Variants in ANKIB1 observed in about 807,000 individuals in gnomAD.
ANKIB1 encodes ankyrin repeat and IBR domain-containing protein 1.
ANKIB1 carries 43 observed loss-of-function variants against 122.1 expected under a neutral mutation model. That is an observed-to-expected ratio of 0.35 (90% CI 0.28 to 0.45). The LOEUF (loss-of-function observed/expected upper bound fraction) is 0.45. Ranked by LOEUF, ANKIB1 falls within the 20% of genes least tolerant of loss-of-function variation. The pLI, the probability that ANKIB1 is intolerant of heterozygous loss-of-function variation, is 1.00. For synonymous variants in ANKIB1, 390 were observed against 442.0 expected (o/e 0.88, Z 1.48); for missense variants, 992 against 1,329.5 (o/e 0.75, Z 3.95).
At chr7:92,257,213 AAAG>A (rs1801466882) in intron 1 of ANKIB1, among the ~76,000 whole-genome samples, 1 of 151,960 alleles carries the variant, frequency 6.6e-6, no homozygotes. Context: ...AGAGAGAAAA[AAAG>A]AAAAAAAAGA....
intron 9 of ANKIB1, among the ~76,000 whole-genome samples, chr7:92,357,097 C>G (rs1803830752): frequency 6.6e-6 from 1 of 152,214 alleles, no homozygotes; most frequent in African/African-American, 2.4e-5. Flanking sequence ...TTCCAGAGCC[C>G]TTTAGAACCA....
intron 11 of ANKIB1, among the ~76,000 whole-genome samples, chr7:92,382,275 C>A (rs1804533785): frequency 6.6e-6 from 1 of 152,126 alleles, no homozygotes; most frequent in Non-Finnish European, 1.5e-5. Context: ...CTTAGCCTCC[C>A]ACACAATAAT....
intron 1 of ANKIB1, among the ~76,000 whole-genome samples, chr7:92,285,123 A>G (rs1802092676): frequency 6.6e-6 from 1 of 152,124 alleles, no homozygotes; most frequent in Non-Finnish European, 1.5e-5. Context: ...GCTGGAGTGC[A>G]GTGGCACTAT....
chr7:92,269,250 C>G (rs1375243686), intron 1 of ANKIB1, among the ~76,000 whole-genome samples: 1 of 152,140 alleles, frequency 6.6e-6, no homozygotes, highest in Non-Finnish European at 1.5e-5. Flanking sequence ...TGATTCTAAA[C>G]CAGTTTTCTT....
intron 1 of ANKIB1, among the ~76,000 whole-genome samples, chr7:92,257,829 A>G (rs932704510): frequency 6.6e-6 from 1 of 152,226 alleles, no homozygotes; most frequent in Non-Finnish European, 1.5e-5. Flanking sequence ...AGATTATTCT[A>G]TCTTTCAACC....
chr7:92,254,965 T>C (rs1257049897), intron 1 of ANKIB1, among the ~76,000 whole-genome samples: 1 of 152,132 alleles, frequency 6.6e-6, no homozygotes, highest in African/African-American at 2.4e-5. Context: ...TGATAGTGAG[T>C]AAGTCACACA....
At chr7:92,328,693 A>G (rs1441999810) in intron 5 of ANKIB1, among the ~76,000 whole-genome samples, 2 of 152,032 alleles carry the variant, frequency 1.3e-5, no homozygotes, top group African/African-American at 2.4e-5. Flanking sequence ...AAAGAAAAGT[A>G]AATGGCTATT....
chr7:92,385,102 A>G (rs768935208), intron 11 of ANKIB1, among the ~76,000 whole-genome samples: 21 of 152,242 alleles, frequency 1.4e-4, no homozygotes, highest in Non-Finnish European at 2.2e-4. Context: ...AAAAGGAGAC[A>G]TTTATGCAGC....
intron 2 of ANKIB1, among the ~76,000 whole-genome samples, chr7:92,298,985 C>T (rs967545408): frequency 5.3e-5 from 8 of 152,134 alleles, no homozygotes; most frequent in East Asian, 1.9e-4. Context: ...AGTTGAACTG[C>T]GTACTTTTTT....
intron 5 of ANKIB1, among the ~76,000 whole-genome samples, chr7:92,331,635 C>T (rs1166576797): frequency 6.6e-6 from 1 of 152,066 alleles, no homozygotes; most frequent in African/African-American, 2.4e-5. Context: ...CAGTAGCCAG[C>T]TAGTCAGAAA....
intron 11 of ANKIB1, among the ~76,000 whole-genome samples, chr7:92,374,377 C>G (rs116865086): frequency 2.3e-3 from 349 of 152,184 alleles, no homozygotes; most frequent in Non-Finnish European, 3.8e-3. Flanking sequence ...ACTAGGGAGG[C>G]TAAGGTAGGA....
At chr7:92,371,348 T>C in intron 10 of ANKIB1, 129 bp from the exon 11 acceptor site, 1 of 777,390 alleles carries the variant, frequency 1.3e-6, no homozygotes, top group Non-Finnish European at 2.0e-6. Flanking sequence ...CCACAGACCC[T>C]GATCAGAAAA....
chr7:92,364,372 A>G (rs1036907107), intron 10 of ANKIB1, among the ~76,000 whole-genome samples: 6 of 147,870 alleles, frequency 4.1e-5, no homozygotes, highest in Non-Finnish European at 4.4e-5. Flanking sequence ...CCCCAGATTC[A>G]TTGTACTAGC....
intron 11 of ANKIB1, among the ~76,000 whole-genome samples, chr7:92,380,051 T>C (rs1804476196): frequency 6.6e-6 from 1 of 152,142 alleles, no homozygotes; most frequent in South Asian, 2.1e-4. Flanking sequence ...TAAACACTGC[T>C]CTTTTCCAAC....
At chr7:92,263,569 G>A (rs942737230) in intron 1 of ANKIB1, among the ~76,000 whole-genome samples, 3 of 151,996 alleles carry the variant, frequency 2.0e-5, no homozygotes. Context: ...ATATCTCTGG[G>A]GTAGCTAAGG....
In ANKIB1 at chr7:92,371,509, G is replaced by A. The variant is rs1248416426; in HGVS notation, c.1519G>A (p.Ala507Thr). 2 of 1,606,298 alleles carry A rather than the reference G, an allele frequency of 1.2e-6. No individual in the cohort carries two copies. The highest frequency in any genetic ancestry group is 1.7e-6 in the Non-Finnish European group (2 of 1,176,048). ...AGTTAGTGAAGCCTACGAGGATGCC[G>A]CCAATTGTCTCTGGTTATTAACTAA... ...VGVSEAYEDAANCLWLLTNSK... is the reference protein window; with the variant it reads ...VGVSEAYEDATNCLWLLTNSK... Residue 507 changes from alanine to threonine, a missense_variant, in exon 11 of 20, where the codon GCC becomes ACC. This residue lies in a region of ANKIB1 where 521 missense variants were observed against 777.7 expected (regional missense o/e 0.67). Transcript: ENST00000265742.
intron 2 of ANKIB1, among the ~76,000 whole-genome samples, chr7:92,303,170 A>G (rs747161712): frequency 2.2e-4 from 34 of 152,200 alleles, no homozygotes; most frequent in Non-Finnish European, 3.2e-4. Context: ...GAAGTAACAC[A>G]AATTGAGCAT....
chr7:92,263,653 A>C (rs1801608495), intron 1 of ANKIB1, among the ~76,000 whole-genome samples: 1 of 152,162 alleles, frequency 6.6e-6, no homozygotes, highest in Non-Finnish European at 1.5e-5. Flanking sequence ...TTTTGTTTAG[A>C]AGTTAGTGTA....
chr7:92,378,370 C>G (rs1804434391), intron 11 of ANKIB1, among the ~76,000 whole-genome samples: 1 of 151,586 alleles, frequency 6.6e-6, no homozygotes, highest in Non-Finnish European at 1.5e-5. Context: ...GATGCTTCCA[C>G]CTATATAAGA....
Sources: gnomAD v4.1 joint callset for allele counts (sites outside exome capture counted in the v4.1 genomes callset) on GRCh38, gnomAD v4.1.1 for gene constraint, gnomAD v4.1.1 regional missense constraint, MANE v1.5 for transcripts, NCBI Gene and HGNC (gene_info 2026-07-23, HGNC 2026-07-21) for gene names.